TKTL1: variants seen among roughly 807,000 people sequenced by gnomAD.
The protein encoded by TKTL1 is transketolase like 1.
In TKTL1, 1 loss-of-function variant was observed where a neutral mutation model predicts 39.3. The ratio of observed to expected loss-of-function variants is 0.03; its 90% confidence interval spans 0.01 to 0.12. The LOEUF (loss-of-function observed/expected upper bound fraction) is 0.12, where lower values mean the gene tolerates loss of function less well. TKTL1 is among the 10% of genes least tolerant of loss of function. TKTL1 has a pLI of 1.00. For missense variants in TKTL1, 575 were observed against 509.6 expected, an observed-to-expected ratio of 1.13 and a Z score of -1.24; for synonymous variants, 262 against 193.8, an observed-to-expected ratio of 1.35 and a Z score of -2.92.
At chrX:154,328,309 C>A (rs1208458788) in intron 12 of TKTL1, among the ~76,000 whole-genome samples, 1 of 109,064 alleles carries the variant, frequency 9.2e-6, no homozygotes, top group African/African-American at 3.3e-5. Flanking sequence ...TTTGGGAGGC[C>A]GAGGCAGGTA....
intron 2 of TKTL1, among the ~76,000 whole-genome samples, chrX:154,306,778 A>T (rs1396783628): frequency 1.8e-5 from 2 of 109,227 alleles, no homozygotes; most frequent in Non-Finnish European, 3.8e-5. Context: ...ATGGCATTAC[A>T]GGCATGTGCC....
At chrX:154,317,982 A>T (rs1244951684) in intron 7 of TKTL1, among the ~76,000 whole-genome samples, 2 of 112,354 alleles carry the variant, frequency 1.8e-5, no homozygotes, top group Non-Finnish European at 3.8e-5. Context: ...TCAGTCAGTC[A>T]TTTTCACATG....
chrX:154,306,679 C>G (rs911385287), intron 2 of TKTL1, among the ~76,000 whole-genome samples: 6 of 110,190 alleles, frequency 5.4e-5, no homozygotes, highest in Non-Finnish European at 1.1e-4. Flanking sequence ...CGCTCTTGCC[C>G]AGGCTTGAGT....
chrX:154,318,810 G>A (rs1333298163), intron 7 of TKTL1, among the ~76,000 whole-genome samples: 1 of 92,093 alleles, frequency 1.1e-5, no homozygotes, highest in Non-Finnish European at 2.2e-5. Context: ...ACTTTTCTTT[G>A]TCAGAAATTA....
At chrX:154,326,610 G>A (rs192245810) in intron 10 of TKTL1, among the ~76,000 whole-genome samples, 3,629 of 112,435 alleles carry the variant, frequency 0.032, 62 homozygotes, top group Non-Finnish European at 0.051. Context: ...AACGTAGCTG[G>A]AAAACGCCAC....
At chrX:154,316,792 GTC>G (rs781846825) in intron 7 of TKTL1, among the ~76,000 whole-genome samples, 12 of 101,915 alleles carry the variant, frequency 1.2e-4, no homozygotes, top group Non-Finnish European at 1.4e-4. Flanking sequence ...TTGAGATGGA[GTC>G]TCTCTCTCTC....
At chrX:154,327,753 G>T in intron 11 of TKTL1, 66 bp downstream of exon 11, 1 of 1,193,650 alleles carries the variant, frequency 8.4e-7, no homozygotes, top group Non-Finnish European at 1.1e-6. Context: ...GCTACCTCCT[G>T]TGCCCTGAGT....
intron 1 of TKTL1, chrX:154,304,958 A>G (rs958675424): frequency 1.0e-6 from 1 of 955,348 alleles, no homozygotes. Context: ...TCTTCATGGC[A>G]TTTCTGATTC....
chrX:154,323,549 C>G (rs111619888), intron 9 of TKTL1, among the ~76,000 whole-genome samples: 1 of 112,288 alleles, frequency 8.9e-6, no homozygotes, highest in Non-Finnish European at 1.9e-5. Flanking sequence ...CTGAACAAAA[C>G]CTGACAGCCT....
At chrX:154,326,311 G>C (rs1439046815) in intron 10 of TKTL1, among the ~76,000 whole-genome samples, 14 of 112,047 alleles carry the variant, frequency 1.2e-4, no homozygotes, top group African/African-American at 4.5e-4. Flanking sequence ...AAGCAGAAAC[G>C]TCTATGGAGA....
At position 154,312,725 on chromosome X, in the gene TKTL1, C is replaced by T. The variant is rs1557168632; in HGVS notation, c.816C>T (p.Ile272=). The change falls in exon 6 of 13, where the codon ATC becomes ATT. Residue 272 remains isoleucine (I), a synonymous_variant. Transcript: ENST00000369915. ...PPIEDSPEVN[I]TDVRMTSPPD... is the part of the protein sequence containing the mutation. Reference sequence around the variant, plus strand: ...TTGAGGACTCACCTGAAGTCAACATCACAGATGTAAGGATGACCTCTCCAC... The same window carrying T: ...TTGAGGACTCACCTGAAGTCAACATTACAGATGTAAGGATGACCTCTCCAC... The T allele has an allele frequency of 1.7e-6, 2 of 1,211,038 alleles. No homozygotes were observed. Among genetic ancestry groups the T allele is most frequent in the Middle Eastern group, 2.3e-4 (1 of 4,352 alleles).
At position 154,314,231 on chromosome X, in the gene TKTL1, T is replaced by C. The variant is rs782087630; in HGVS notation, c.865-942T>C. 2.7e-5 allele frequency among the ~76,000 whole-genome samples: 3 copies of C among 111,485 alleles called. No individual in the cohort carries two copies. The Admixed American group carries it at 2.9e-4, about 11-fold the overall frequency. ...AAATTTTTCCAAATACGGAGGAAGA[T>C]GAAAATGTCATCCCGATTTACTTAT... On this transcript the variant is annotated intron_variant, in intron 6 of 12. Transcript: ENST00000369915.
At chrX:154,296,996 A>G (rs1336641626) in intron 1 of TKTL1, among the ~76,000 whole-genome samples, 2 of 112,093 alleles carry the variant, frequency 1.8e-5, no homozygotes, top group African/African-American at 6.5e-5. Flanking sequence ...CCTCAAAGAA[A>G]AAAAAGTTAA....
intron 9 of TKTL1, 122 bp downstream of exon 9, chrX:154,323,459 A>G (rs2067468358): frequency 4.7e-6 from 4 of 857,193 alleles, no homozygotes; most frequent in Non-Finnish European, 6.5e-6. Context: ...AAATTTGGTG[A>G]TAGAATTCTT....
chrX:154,300,925 C>G (rs1465597815), intron 1 of TKTL1, among the ~76,000 whole-genome samples: 1 of 109,334 alleles, frequency 9.1e-6, no homozygotes, highest in African/African-American at 3.3e-5. Flanking sequence ...GAACTCCTAA[C>G]CTCAGGTGAT....
At chrX:154,313,234 C>G (rs782329382) in intron 6 of TKTL1, among the ~76,000 whole-genome samples, 31 of 112,623 alleles carry the variant, frequency 2.8e-4, no homozygotes, top group Non-Finnish European at 5.4e-4. Context: ...GTGCATGAAA[C>G]TGCCACGACT....
At chrX:154,306,160 TTAGC>T (rs1262272706) in intron 2 of TKTL1, among the ~76,000 whole-genome samples, 1 of 106,353 alleles carries the variant, frequency 9.4e-6, no homozygotes, top group Non-Finnish European at 1.9e-5. Flanking sequence ...AAAAAAAAAA[TTAGC>T]TAGGCATGGT....
intron 1 of TKTL1, among the ~76,000 whole-genome samples, chrX:154,298,216 T>C (rs1478539785): frequency 1.8e-5 from 2 of 110,875 alleles, no homozygotes; most frequent in Non-Finnish European, 3.8e-5. Flanking sequence ...TTAACTTGAT[T>C]GTACTTTTTT....
chrX:154,329,706 G>A lies in TKTL1; in HGVS notation c.*18G>A. ...TGAACTAAAATAGCTGTTAGCTTTG[G>A]TCTTTTGGCCTCTTTACCCTGTGTT... On this transcript the variant is annotated 3_prime_UTR_variant, in exon 13 of 13. Transcript: ENST00000369915. 1.7e-6 allele frequency: 2 copies of A among 1,203,661 alleles called. No individual in the cohort carries two copies. Among genetic ancestry groups the A allele is most frequent in the Non-Finnish European group, 2.2e-6 (2 of 888,913 alleles).
Sources: allele counts gnomAD v4.1 joint callset (sites outside exome capture counted in the v4.1 genomes callset), GRCh38; gene constraint gnomAD v4.1.1; transcripts MANE v1.5; gene names NCBI Gene and HGNC (gene_info 2026-07-23, HGNC 2026-07-21).